The following DOCK1 variants were observed in gnomAD, a reference collection of about 807,000 sequenced individuals.
DOCK1 encodes dedicator of cytokinesis 1.
DOCK1 carries 138 observed loss-of-function variants against 262.7 expected under a neutral mutation model. The observed-to-expected ratio is 0.53, with a 90% CI of 0.46 to 0.61. DOCK1 has a LOEUF of 0.61. Ranked by LOEUF, DOCK1 falls within the 20% of genes least tolerant of loss-of-function variation. The probability of loss-of-function intolerance (pLI) is 0.00; values close to 1 mark genes in which losing one functional copy is unlikely to be tolerated. For synonymous variants in DOCK1, 866 were observed against 867.4 expected, an observed-to-expected ratio of 1.00 and a Z score of 0.03; for missense variants, 1,908 against 2,370.7, an observed-to-expected ratio of 0.80 and a Z score of 4.05.
At chr10:126,997,967 C>T (rs2040329055) in intron 7 of DOCK1, 125 bp from the exon 8 acceptor site, 7 of 1,248,242 alleles carry the variant, frequency 5.6e-6, no homozygotes, top group Non-Finnish European at 7.8e-6. Context: ...AAAGTGACTG[C>T]ACCAAGGCCT....
At chr10:127,316,371 T>A (rs972893455) in intron 29 of DOCK1, among the ~76,000 whole-genome samples, 5 of 152,188 alleles carry the variant, frequency 3.3e-5, no homozygotes, top group Non-Finnish European at 5.9e-5. Context: ...ATGCACTGTA[T>A]CTATGTGACG....
rs766885147 is a variant in DOCK1, at chr10:127,409,182, T to A, written c.4264+4T>A. The stretch of plus-strand genomic sequence containing the variant: ...ATTAAAAACTCTCCTGGCCAGTGTA[T>A]CCTTTAAGACAACCTCATCAACTCT... On this transcript the variant is annotated splice_donor_region_variant and intron_variant, in intron 41 of 51. Coordinates refer to ENST00000623213, the MANE Select transcript of DOCK1 (RefSeq NM_001290223.2). 3.1e-6 allele frequency: 5 copies of A among 1,613,762 alleles called. No individual in the cohort carries two copies. The highest frequency in any genetic ancestry group is 4.2e-6 in the Non-Finnish European group (5 of 1,179,818).
chr10:127,005,953 T>A (rs2040984283), intron 10 of DOCK1, among the ~76,000 whole-genome samples: 2 of 152,214 alleles, frequency 1.3e-5, no homozygotes, highest in African/African-American at 2.4e-5. Context: ...CTTATGAACA[T>A]GTCCTTTTAT....
intron 23 of DOCK1, 33 bp from the exon 24 acceptor site, chr10:127,106,198 T>A (rs775768565): frequency 4.4e-5 from 68 of 1,562,900 alleles, no homozygotes; most frequent in Admixed American, 5.7e-5. Flanking sequence ...CTAACCTGCA[T>A]GCTGCTCAGC....
At position 126,996,496 on chromosome 10, in the gene DOCK1, CAA is replaced by C. The variant is rs541787714; in HGVS notation, c.474-250_474-249del. Among the ~76,000 whole-genome samples, 393 of 147,160 alleles carry C rather than the reference CAA, an allele frequency of 2.7e-3. 1 individual carries two copies. Among genetic ancestry groups the C allele is most frequent in the African/African-American group, 8.8e-3 (353 of 40,174 alleles). ...ATCTGTAAAACTTCTCCTTGCAAGA[CAA>C]AGCCACTGTTGATTGCAATGGAAAT... On this transcript the variant is annotated intron_variant, in intron 6 of 51. Coordinates refer to ENST00000623213, the MANE Select transcript of DOCK1 (RefSeq NM_001290223.2).
chr10:127,376,033 C>T (rs148358717), intron 35 of DOCK1, among the ~76,000 whole-genome samples: 2,800 of 152,276 alleles, frequency 0.018, 49 homozygotes, highest in Middle Eastern at 0.044. Context: ...TCACTTTCAA[C>T]GCATTAGTAC....
Position 127,418,520 on chromosome 10 carries a change from G to T in DOCK1, c.4671G>T (p.Gly1557=). The change falls in exon 45 of 52, where the codon GGG becomes GGT. Residue 1557 remains glycine, a synonymous_variant. Coordinates refer to ENST00000623213, the MANE Select transcript of DOCK1 (RefSeq NM_001290223.2). ...GCATCGTGGACCCAGCTGTCATGGG[G>T]GGCTTCGCAAACTACGAAAAGGTAC... ...LNGIVDPAVM[G]GFANYEKAFF... 1 of 1,613,922 alleles carries T rather than the reference G, an allele frequency of 6.2e-7. No homozygotes were observed. The highest frequency in any genetic ancestry group is 8.5e-7 in the Non-Finnish European group (1 of 1,179,984).
chr10:127,373,410 G>A lies in DOCK1; in HGVS notation c.3433-371G>A, dbSNP rs187470219. 1.6e-3 allele frequency among the ~76,000 whole-genome samples: 239 copies of A among 152,280 alleles called. 2 individuals carry two copies. The highest frequency in any genetic ancestry group is 4.9e-3 in the Admixed American group (75 of 15,296). On this transcript the variant is annotated intron_variant, in intron 33 of 51. Coordinates refer to ENST00000623213, the MANE Select transcript of DOCK1 (RefSeq NM_001290223.2). ...GGGAAACACCATCTGTTCATTTCAG[G>A]AACCAACAAGCTATTTTAGATGTTA... is the stretch of plus-strand genomic sequence containing the variant.
chr10:127,355,257 C>CT (rs1316687483), intron 32 of DOCK1, among the ~76,000 whole-genome samples: 1 of 152,138 alleles, frequency 6.6e-6, no homozygotes, highest in Non-Finnish European at 1.5e-5. Context: ...TTTCCAACTA[C>CT]TTTTATCATG....
intron 28 of DOCK1, among the ~76,000 whole-genome samples, chr10:127,256,545 G>A (rs750833451): frequency 6.6e-6 from 1 of 152,092 alleles, no homozygotes; most frequent in Non-Finnish European, 1.5e-5. Flanking sequence ...CACTTGTTTT[G>A]TTCAGGTTAG....
In DOCK1 at chr10:126,970,848, C is replaced by T. The variant is rs925423857; in HGVS notation, c.130+63C>T. 6 of 1,554,580 alleles carry T rather than the reference C, an allele frequency of 3.9e-6. No individual in the cohort carries two copies. The African/African-American group carries it at 6.8e-5, about 18-fold the overall frequency. ...GGGCAGATGGCACACCTTCTCAGTG[C>T]CTGCTGGGCAAAGCATTCCTCTGTT... On this transcript the variant is annotated intron_variant, in intron 2 of 51. Transcript: ENST00000623213.
chr10:127,447,481 A>G lies in DOCK1; in HGVS notation c.5501A>G (p.Asn1834Ser). The change falls in exon 51 of 52, where the codon AAT becomes AGT. Residue 1834 changes from asparagine to serine, a missense_variant. This residue lies in a region of DOCK1 where 383 missense variants were observed against 420.1 expected (regional missense o/e 0.91). Transcript: ENST00000623213. ...PLKGSVADYG[N>S]LMENQDLLGS... ...AAAGGCAGCGTGGCAGATTACGGGA[A>G]TTTGATGGAAAACCAGGACTTGCTG... is the stretch of plus-strand genomic sequence containing the variant. 6.2e-7 allele frequency: 1 copy of G among 1,613,904 alleles called. No homozygotes were observed. The highest frequency in any genetic ancestry group is 1.1e-5 in the South Asian group (1 of 91,026).
chr10:126,992,387 T>C (rs2039853666), intron 6 of DOCK1, among the ~76,000 whole-genome samples: 1 of 152,196 alleles, frequency 6.6e-6, no homozygotes, highest in Non-Finnish European at 1.5e-5. Flanking sequence ...AATACAGTCC[T>C]TAATAAGACA....
At chr10:127,150,989 C>G (rs182558587) in intron 27 of DOCK1, among the ~76,000 whole-genome samples, 14 of 152,136 alleles carry the variant, frequency 9.2e-5, no homozygotes, top group Non-Finnish European at 1.8e-4. Flanking sequence ...TCAATTCATG[C>G]GATTCAAATT....
At chr10:127,214,591 G>T (rs144838343) in intron 27 of DOCK1, among the ~76,000 whole-genome samples, 42 of 152,322 alleles carry the variant, frequency 2.8e-4, no homozygotes, top group African/African-American at 9.9e-4. Context: ...CCTCTTCATG[G>T]ATGGGTACCT....
intron 27 of DOCK1, among the ~76,000 whole-genome samples, chr10:127,153,609 A>G (rs1486273559): frequency 6.6e-6 from 1 of 152,170 alleles, no homozygotes; most frequent in Non-Finnish European, 1.5e-5. Context: ...TCAAACTTAT[A>G]CCAATTCTTG....
chr10:126,959,370 T>C (rs1700440137), intron 1 of DOCK1, among the ~76,000 whole-genome samples: 1 of 152,252 alleles, frequency 6.6e-6, no homozygotes, highest in South Asian at 2.1e-4. Flanking sequence ...TAAAATATTT[T>C]GATTTTCTTC....
At chr10:126,990,016 A>C (rs1034994604) in intron 5 of DOCK1, among the ~76,000 whole-genome samples, 2 of 152,150 alleles carry the variant, frequency 1.3e-5, no homozygotes, top group African/African-American at 4.8e-5. Context: ...TGTGCTGAGA[A>C]GGGTCCAGGG....
intron 35 of DOCK1, among the ~76,000 whole-genome samples, chr10:127,377,230 G>A (rs142763101): frequency 8.2e-4 from 125 of 152,220 alleles, no homozygotes; most frequent in Non-Finnish European, 1.1e-3. Flanking sequence ...TTTAAAGATA[G>A]GTAGATAGGT....
Sources: allele counts gnomAD v4.1 joint callset (sites outside exome capture counted in the v4.1 genomes callset), GRCh38; gene constraint gnomAD v4.1.1; regional missense constraint gnomAD v4.1.1; transcripts MANE v1.5; gene names NCBI Gene and HGNC (gene_info 2026-07-23, HGNC 2026-07-21).